Variants in YEATS2 observed in about 807,000 individuals in gnomAD.
The protein encoded by YEATS2 is YEATS domain-containing protein 2.
A neutral mutation model predicts 163.2 loss-of-function variants in YEATS2; 77 were observed. The ratio of observed to expected loss-of-function variants is 0.47; its 90% CI spans 0.39 to 0.57. The LOEUF (loss-of-function observed/expected upper bound fraction) is 0.57. Ranked by LOEUF, YEATS2 falls within the 20% of genes least tolerant of loss-of-function variation. YEATS2 has a pLI of 0.00. For missense variants in YEATS2, 1,549 were observed against 1,729.8 expected (o/e 0.90, Z 1.85); for synonymous variants, 631 against 645.1 (o/e 0.98, Z 0.33).
chr3:183,812,584 G>A lies in YEATS2; in HGVS notation c.*2001G>A, dbSNP rs1442175637. On this transcript the variant is annotated 3_prime_UTR_variant, in exon 31 of 31. Transcript: ENST00000305135. ...AACGTGTATCATAATGTGTATAATT[G>A]TGTAACAAAATTGTCTACAATAAAT... 1 of 152,642 alleles carries A rather than the reference G, an allele frequency of 6.6e-6. No individual in the cohort carries two copies. Among genetic ancestry groups the A allele is most frequent in the Non-Finnish European group, 1.5e-5 (1 of 68,052 alleles). 9.5% of individuals were successfully genotyped at this position (152,642 alleles called of 1,614,324 possible).
intron 21 of YEATS2, among the ~76,000 whole-genome samples, chr3:183,795,581 G>A (rs1408748009): frequency 6.6e-6 from 1 of 150,454 alleles, no homozygotes; most frequent in East Asian, 2.0e-4. Context: ...GGTTACAGGT[G>A]TAAGCTGCTG....
At chr3:183,744,102 CTTTTTTTTTT>C (rs562807575) in intron 8 of YEATS2, among the ~76,000 whole-genome samples, 4 of 56,002 alleles carry the variant, frequency 7.1e-5, no homozygotes, top group African/African-American at 1.7e-4. Flanking sequence ...TTTAGTTTTG[CTTTTTTTTTT>C]TTTTTTTTTT....
intron 1 of YEATS2, among the ~76,000 whole-genome samples, chr3:183,702,725 C>T (rs1289459054): frequency 6.6e-6 from 1 of 150,564 alleles, no homozygotes; most frequent in Admixed American, 6.6e-5. Flanking sequence ...GTCACAGCTA[C>T]TCGGAGGCTG....
At chr3:183,808,298 C>CT in intron 29 of YEATS2, 194 bp downstream of exon 29, 1 of 573,254 alleles carries the variant, frequency 1.7e-6, no homozygotes, top group Non-Finnish European at 3.1e-6. Context: ...TATGTTTCCT[C>CT]TGAGTCATGT....
chr3:183,757,359 C>T (rs537569236), intron 12 of YEATS2, among the ~76,000 whole-genome samples: 12 of 152,142 alleles, frequency 7.9e-5, no homozygotes, highest in Non-Finnish European at 1.6e-4. Context: ...GGCGTGATCT[C>T]GGCTCACTGC....
chr3:183,803,897 G>A, intron 26 of YEATS2, 90 bp from the exon 27 acceptor site: 1 of 1,411,436 alleles, frequency 7.1e-7, no homozygotes. Context: ...AACAGGTTAG[G>A]TTAGGATGGT....
chr3:183,755,598 A>G (rs184811458), intron 11 of YEATS2, among the ~76,000 whole-genome samples: 10 of 152,290 alleles, frequency 6.6e-5, no homozygotes, highest in African/African-American at 2.4e-4. Context: ...TTGCGGGAAC[A>G]CGAATCTTTC....
At chr3:183,767,107 T>G (rs896729691) in intron 15 of YEATS2, among the ~76,000 whole-genome samples, 1 of 152,196 alleles carries the variant, frequency 6.6e-6, no homozygotes, top group Non-Finnish European at 1.5e-5. Flanking sequence ...ATTTCCTCAT[T>G]CTCCTGTTTT....
intron 6 of YEATS2, among the ~76,000 whole-genome samples, chr3:183,725,752 A>G (rs999113467): frequency 6.6e-6 from 1 of 152,254 alleles, no homozygotes; most frequent in African/African-American, 2.4e-5. Context: ...GTGGGGACAC[A>G]GCCAAACCAT....
At chr3:183,742,583 G>A (rs764765068) in intron 8 of YEATS2, among the ~76,000 whole-genome samples, 3 of 152,234 alleles carry the variant, frequency 2.0e-5, no homozygotes, top group Non-Finnish European at 4.4e-5. Context: ...GCTTCTTACG[G>A]ATAAGCAAAG....
Position 183,771,542 on chromosome 3 carries a change from C to CTTTTTTTTTTTTTTTTTTTTTTT in YEATS2, c.1948-763_1948-762insTTTTTTTTTTTTTTTTTTTTTTT, listed in dbSNP as rs1722462151. On this transcript the variant is annotated intron_variant, in intron 15 of 30. Transcript: ENST00000305135. ...TTTTAATAGTTAAATATTATTCTTG[C>CTTTTTTTTTTTTTTTTTTTTTTT]CTTTTTTTTTTTTTTTTTTTTTTCT... 1.2e-4 allele frequency among the ~76,000 whole-genome samples: 7 copies of CTTTTTTTTTTTTTTTTTTTTTTT among 60,812 alleles called. 1 individual carries two copies. The highest frequency in any genetic ancestry group is 3.9e-4 in the African/African-American group (4 of 10,298). 39.9% of individuals were successfully genotyped at this position (60,812 alleles called of 152,430 possible).
At position 183,779,289 on chromosome 3, in the gene YEATS2, C is replaced by T. The variant is rs79360165; in HGVS notation, c.2736+1589C>T. 0.011 allele frequency among the ~76,000 whole-genome samples: 1,641 copies of T among 152,326 alleles called. 67 individuals are homozygous for T. In the East Asian group the frequency reaches 0.14, roughly 13 times the overall value. On this transcript the variant is annotated intron_variant, in intron 19 of 30. Transcript: ENST00000305135. ...CTAGAGGTTTATCAGTTGTATTGAT[C>T]TTTTCAAATTACCAGCATTTGGTGT...
At chr3:183,743,588 T>C (rs527949775) in intron 8 of YEATS2, among the ~76,000 whole-genome samples, 1 of 152,208 alleles carries the variant, frequency 6.6e-6, no homozygotes, top group East Asian at 1.9e-4. Flanking sequence ...TAAAACAATC[T>C]ACCCTCCTCA....
chr3:183,730,252 A>T (rs549500740), intron 7 of YEATS2, among the ~76,000 whole-genome samples: 52 of 149,454 alleles, frequency 3.5e-4, no homozygotes, highest in Non-Finnish European at 5.9e-4. Context: ...TTTTGTAGAG[A>T]CGGGGTTTTG....
At chr3:183,803,859 G>T (rs1442264622) in intron 26 of YEATS2, 128 bp from the exon 27 acceptor site, 5 of 959,260 alleles carry the variant, frequency 5.2e-6, no homozygotes, top group Non-Finnish European at 7.6e-6. Flanking sequence ...AACACAACCA[G>T]GTTTTTTTCT....
intron 5 of YEATS2, 105 bp downstream of exon 5, chr3:183,722,241 A>G: frequency 8.2e-7 from 1 of 1,222,164 alleles, no homozygotes; most frequent in Non-Finnish European, 1.1e-6. Flanking sequence ...ATCTTAGGAA[A>G]TAGGTTTGTT....
intron 1 of YEATS2, among the ~76,000 whole-genome samples, chr3:183,698,713 G>A (rs1163790406): frequency 3.3e-5 from 5 of 152,136 alleles, no homozygotes; most frequent in African/African-American, 1.2e-4. Context: ...TAAGCATTCA[G>A]CAGTTACAGA....
At chr3:183,798,199 C>A in intron 22 of YEATS2, 148 bp downstream of exon 22, 1 of 1,241,416 alleles carries the variant, frequency 8.1e-7, no homozygotes, top group Non-Finnish European at 1.1e-6. Flanking sequence ...CTTCAGCTGT[C>A]ATGGTATTCC....
At chr3:183,711,068 T>A (rs982204396) in intron 1 of YEATS2, among the ~76,000 whole-genome samples, 13 of 152,222 alleles carry the variant, frequency 8.5e-5, no homozygotes, top group African/African-American at 2.4e-4. Context: ...TATTTTTTTT[T>A]AAAGTTGTCT....
Sources: allele counts gnomAD v4.1 joint callset (sites outside exome capture counted in the v4.1 genomes callset), GRCh38; gene constraint gnomAD v4.1.1; transcripts MANE v1.5; gene names NCBI Gene and HGNC (gene_info 2026-07-23, HGNC 2026-07-21).